The following FAM131B variants were observed in gnomAD, a reference collection of about 807,000 sequenced individuals.
FAM131B encodes protein FAM131B.
Under a neutral mutation model 42.0 loss-of-function variants are expected in FAM131B, and 19 were observed. That is an observed-to-expected ratio of 0.45 (90% CI 0.32 to 0.66). The LOEUF (loss-of-function observed/expected upper bound fraction) is 0.66. FAM131B is among the 30% of genes least tolerant of loss of function. FAM131B has a pLI of 0.05. For synonymous variants in FAM131B, 183 were observed against 177.6 expected (o/e 1.03, Z -0.24); for missense variants, 370 against 468.4 (o/e 0.79, Z 1.94).
the FAM131B span, among the ~76,000 whole-genome samples, chr7:143,373,580 G>A: frequency 5.5e-4 from 84 of 152,266 alleles, no homozygotes; most frequent in African/African-American, 1.9e-3. Context: ...CTGGTGGGGG[G>A]CGCTGAGGCG....
chr7:143,381,002 G>T, the FAM131B span: 5 of 266,032 alleles, frequency 1.9e-5, no homozygotes, highest in South Asian at 7.1e-4. Context: ...GTCAGATCTC[G>T]GGCACCCGCG....
In FAM131B at chr7:143,359,434, T is replaced by C. The variant is rs1401684597; in HGVS notation, c.175-15A>G. 1.3e-6 allele frequency: 2 copies of C among 1,595,160 alleles called. No individual in the cohort carries two copies. The highest frequency in any genetic ancestry group is 8.6e-7 in the Non-Finnish European group (1 of 1,163,670). On this transcript the variant is annotated splice_polypyrimidine_tract_variant and intron_variant, in intron 3 of 6. Transcript: ENST00000443739. The surrounding 1 kb of genome is among the most constrained non-coding windows in gnomAD (Gnocchi z 5.4). ...TCCATGGAGAGCTGGGATGGGAATG[T>C]GGGAGGAAGGGCAGAGGAATAAGAA... is the stretch of plus-strand genomic sequence containing the variant.
upstream of FAM131B, chr7:143,364,062 C>T (rs1054837367): frequency 2.0e-5 from 3 of 152,084 alleles, no homozygotes; most frequent in Non-Finnish European, 1.5e-5. Context: ...TCTATAAAAC[C>T]GCGGGAAGGA....
chr7:143,366,355 A>G (rs565734930), upstream of FAM131B, among the ~76,000 whole-genome samples: 38 of 152,212 alleles, frequency 2.5e-4, no homozygotes, highest in Admixed American at 2.0e-3. Flanking sequence ...CTTAGTCCCT[A>G]CTTATCAATG....
chr7:143,372,065 A>G, the FAM131B span, among the ~76,000 whole-genome samples: 1 of 152,264 alleles, frequency 6.6e-6, no homozygotes, highest in Non-Finnish European at 1.5e-5. Context: ...GAGAAGGTCT[A>G]GAAGCCTTCT....
chr7:143,371,383 G>A, the FAM131B span, among the ~76,000 whole-genome samples: 52 of 152,208 alleles, frequency 3.4e-4, no homozygotes, highest in South Asian at 1.2e-3. Flanking sequence ...AGGCTGATGT[G>A]AGAGGATTGC....
At chr7:143,380,865 A>C in the FAM131B span, 1 of 830,602 alleles carries the variant, frequency 1.2e-6, no homozygotes, top group Non-Finnish European at 1.5e-6. This position sits in a 1 kb window ranked among gnomAD's most constrained non-coding sequence, Gnocchi z 5.0. Flanking sequence ...TGGTGGCAGG[A>C]GGGGACCGGG....
In FAM131B at chr7:143,362,125, C is replaced by G; in HGVS notation, c.28+451G>C. 9.0e-6 allele frequency: 6 copies of G among 663,366 alleles called. No homozygotes were observed. The highest frequency in any genetic ancestry group is 1.1e-5 in the Non-Finnish European group (6 of 535,486). The allele number at this position is 663,366 out of a possible 1,614,324, so 41.1% of individuals were successfully genotyped here. On this transcript the variant is annotated intron_variant, in intron 1 of 6. Coordinates refer to ENST00000443739, the MANE Select transcript of FAM131B (RefSeq NM_001031690.3). This position sits in a 1 kb window ranked among gnomAD's most constrained non-coding sequence, Gnocchi z 7.7. ...AGATGGAGGCGGCGGCGGGGGGTGG[C>G]GTGGGGGGCGTGCGAAAGAAACTCG...
chr7:143,380,739 T>A, the FAM131B span: 1 of 985,402 alleles, frequency 1.0e-6, no homozygotes. The surrounding 1 kb of genome is among the most constrained non-coding windows in gnomAD (Gnocchi z 5.0). Flanking sequence ...CAGAGTCAGC[T>A]GGGGGGTGCT....
At chr7:143,369,674 C>A in the FAM131B span, among the ~76,000 whole-genome samples, 417 of 135,080 alleles carry the variant, frequency 3.1e-3, no homozygotes, top group Middle Eastern at 7.4e-3. Context: ...GAATCCGTCT[C>A]AAAAAAAAAA....
Position 143,362,523 on chromosome 7 carries a change from C to A in FAM131B, c.28+53G>T. 1.1e-6 allele frequency: 1 copy of A among 900,430 alleles called. No homozygotes were observed. The highest frequency in any genetic ancestry group is 1.4e-6 in the Non-Finnish European group (1 of 699,364). 55.8% of individuals were successfully genotyped at this position (900,430 alleles called of 1,614,324 possible). On this transcript the variant is annotated intron_variant, in intron 1 of 6. Transcript: ENST00000443739. The surrounding 1 kb of genome is among the most constrained non-coding windows in gnomAD (Gnocchi z 7.7). ...CGAGGAGAGGGATGGGGGAGGGGGT[C>A]GGAGGGCGGCCCGGGGGGCCCAGCC...
At chr7:143,369,672 C>G in the FAM131B span, among the ~76,000 whole-genome samples, 23 of 25,068 alleles carry the variant, frequency 9.2e-4, no homozygotes, top group African/African-American at 2.4e-3. Flanking sequence ...GAGAATCCGT[C>G]TCAAAAAAAA....
At chr7:143,360,378 G>A (rs570056672) in intron 1 of FAM131B, 1 of 1,392,472 alleles carries the variant, frequency 7.2e-7, no homozygotes, top group African/African-American at 1.5e-5. Flanking sequence ...GGCCTTATTT[G>A]TTGTTGTTTA....
chr7:143,374,120 T>C, the FAM131B span, among the ~76,000 whole-genome samples: 1 of 152,182 alleles, frequency 6.6e-6, no homozygotes, highest in East Asian at 1.9e-4. Context: ...CAAATTGCTA[T>C]TTGGAGGTAG....
the FAM131B span, among the ~76,000 whole-genome samples, chr7:143,377,140 A>G: frequency 6.6e-6 from 1 of 152,034 alleles, no homozygotes; most frequent in Non-Finnish European, 1.5e-5. Flanking sequence ...TATTTTTTCT[A>G]GAGACGGGGT....
chr7:143,364,502 C>T (rs942041129), upstream of FAM131B, among the ~76,000 whole-genome samples: 2 of 152,222 alleles, frequency 1.3e-5, no homozygotes, highest in Middle Eastern at 3.4e-3. Flanking sequence ...GTATCTCTTA[C>T]TGTGGTTCCA....
intron 6 of FAM131B, 89 bp from the exon 7 acceptor site, chr7:143,357,111 C>A: frequency 8.6e-7 from 1 of 1,167,162 alleles, no homozygotes. Flanking sequence ...AGCTAAGAGA[C>A]AGCACAGAGA....
the FAM131B span, among the ~76,000 whole-genome samples, chr7:143,368,467 C>G: frequency 4.6e-5 from 7 of 152,206 alleles, no homozygotes; most frequent in Non-Finnish European, 7.3e-5. Flanking sequence ...GTCTCCGATG[C>G]CTGCCTGTCT....
the FAM131B span, among the ~76,000 whole-genome samples, chr7:143,371,687 T>C: frequency 6.7e-6 from 1 of 150,308 alleles, no homozygotes; most frequent in Non-Finnish European, 1.5e-5. Flanking sequence ...GGCTGGTATA[T>C]GTCATTCTAA....
Sources: allele counts gnomAD v4.1 joint callset (sites outside exome capture counted in the v4.1 genomes callset), GRCh38; gene constraint gnomAD v4.1.1; non-coding constraint Gnocchi (gnomAD v3.1); transcripts MANE v1.5; gene names NCBI Gene and HGNC (gene_info 2026-07-23, HGNC 2026-07-21).